Variants in FOXP1 observed in about 807,000 individuals in gnomAD.
FOXP1 encodes forkhead box protein P1.
In FOXP1, 15 loss-of-function variants were observed where a neutral mutation model predicts 98.2. The ratio of observed to expected loss-of-function variants is 0.15; its 90% confidence interval spans 0.10 to 0.24. The LOEUF (loss-of-function observed/expected upper bound fraction) is 0.24, where lower values mean the gene tolerates loss of function less well. Ranked by LOEUF, FOXP1 falls within the 10% of genes least tolerant of loss-of-function variation. The pLI is 1.00. For synonymous variants in FOXP1, 371 were observed against 314.5 expected (o/e 1.18, Z -1.90); for missense variants, 633 against 848.5 (o/e 0.75, Z 3.15).
chr3:71,567,513 G>A (rs954668365), intron 2 of FOXP1, among the ~76,000 whole-genome samples: 1 of 152,126 alleles, frequency 6.6e-6, no homozygotes. Flanking sequence ...TCTAAAATGT[G>A]GTACTACCAA....
chr3:71,415,969 T>G (rs186437373), intron 3 of FOXP1, among the ~76,000 whole-genome samples: 1 of 152,316 alleles, frequency 6.6e-6, no homozygotes, highest in African/African-American at 2.4e-5. Context: ...ATCTGGGACT[T>G]CGGCATCTTT....
intron 3 of FOXP1, among the ~76,000 whole-genome samples, chr3:71,429,075 A>C (rs2084433694): frequency 6.6e-6 from 1 of 152,204 alleles, no homozygotes; most frequent in Non-Finnish European, 1.5e-5. Flanking sequence ...AGGGGAAGGC[A>C]TCAGAACCAA....
At chr3:71,279,797 A>C (rs2071315566) in intron 5 of FOXP1, among the ~76,000 whole-genome samples, 3 of 152,074 alleles carry the variant, frequency 2.0e-5, no homozygotes, top group Admixed American at 6.6e-5. Flanking sequence ...GCAAGAGAAA[A>C]CTGTTATGTG....
At chr3:71,572,743 C>T (rs569820375) in intron 2 of FOXP1, 1 of 152,322 alleles carries the variant, frequency 6.6e-6, no homozygotes, top group Non-Finnish European at 1.5e-5. Context: ...AGGAGCCTCT[C>T]CTACCTGAAC....
At chr3:71,002,552 T>G (rs1477200851) in intron 12 of FOXP1, among the ~76,000 whole-genome samples, 1 of 152,178 alleles carries the variant, frequency 6.6e-6, no homozygotes, top group Non-Finnish European at 1.5e-5. Flanking sequence ...ACAACTTGCT[T>G]TTAAAGAAGC....
intron 4 of FOXP1, among the ~76,000 whole-genome samples, chr3:71,306,371 T>C (rs904591870): frequency 1.3e-5 from 2 of 152,114 alleles, no homozygotes; most frequent in African/African-American, 4.8e-5. Context: ...TCCCTGGAGT[T>C]CTACTATGGG....
chr3:71,563,446 TACC>T (rs1238575600), intron 2 of FOXP1, among the ~76,000 whole-genome samples: 1 of 152,168 alleles, frequency 6.6e-6, no homozygotes, highest in East Asian at 1.9e-4. Flanking sequence ...TCACCTTACC[TACC>T]GCAAAGGCAA....
chr3:71,373,053 T>G (rs2079455696), intron 3 of FOXP1, among the ~76,000 whole-genome samples: 1 of 152,224 alleles, frequency 6.6e-6, no homozygotes, highest in South Asian at 2.1e-4. Context: ...TAAAATTGTC[T>G]GCACGCTGAG....
At chr3:70,960,829 T>C (rs2033230564) in intron 20 of FOXP1, among the ~76,000 whole-genome samples, 1 of 149,594 alleles carries the variant, frequency 6.7e-6, no homozygotes, top group Non-Finnish European at 1.5e-5. Flanking sequence ...AGATGTTACC[T>C]TTAAAAAAAT....
At chr3:71,505,583 G>A (rs926734632) in intron 2 of FOXP1, among the ~76,000 whole-genome samples, 9 of 152,022 alleles carry the variant, frequency 5.9e-5, no homozygotes, top group African/African-American at 1.2e-4. Flanking sequence ...TTGCCGCCAC[G>A]CCCGGCTAAA....
At chr3:71,001,157 A>C in intron 12 of FOXP1, 98 bp from the exon 13 acceptor site, 1 of 858,050 alleles carries the variant, frequency 1.2e-6, no homozygotes. Context: ...CAGCGGGTCT[A>C]GCTCCCAGGA....
chr3:71,511,277 A>G (rs1467337597), intron 2 of FOXP1, among the ~76,000 whole-genome samples: 2 of 152,170 alleles, frequency 1.3e-5, no homozygotes, highest in Non-Finnish European at 2.9e-5. Flanking sequence ...TCAAATGACC[A>G]AACGCAACTG....
chr3:71,187,050 G>A (rs1411271688), intron 6 of FOXP1, among the ~76,000 whole-genome samples: 3 of 152,264 alleles, frequency 2.0e-5, no homozygotes, highest in Non-Finnish European at 2.9e-5. Flanking sequence ...GTGGCAGGCT[G>A]GATCTGGCCC....
At chr3:71,429,982 T>C (rs1560473855) in intron 3 of FOXP1, among the ~76,000 whole-genome samples, 1 of 152,262 alleles carries the variant, frequency 6.6e-6, no homozygotes, top group Non-Finnish European at 1.5e-5. Context: ...TCTGCTCTAC[T>C]GGGAAGCTAG....
intron 3 of FOXP1, among the ~76,000 whole-genome samples, chr3:71,485,771 C>CAAAAAAAAAAAAAAAAAAAACAAAA (rs545900035): frequency 8.9e-6 from 1 of 111,870 alleles, no homozygotes. Flanking sequence ...GAGACTCCAT[C>CAAAAAAAAAAAAAAAAAAAACAAAA]AAAAAAAAAA....
chr3:71,349,285 C>G (rs1241335894), intron 4 of FOXP1, among the ~76,000 whole-genome samples: 3 of 152,188 alleles, frequency 2.0e-5, no homozygotes, highest in African/African-American at 7.2e-5. Flanking sequence ...TAATTTTTAT[C>G]CTTTTTAAAT....
At chr3:71,413,316 C>G (rs1276011725) in intron 3 of FOXP1, among the ~76,000 whole-genome samples, 2 of 144,630 alleles carry the variant, frequency 1.4e-5, no homozygotes, top group Non-Finnish European at 3.0e-5. Flanking sequence ...CAGTATGGAA[C>G]TGGCTAAATA....
chr3:71,052,337 G>A (rs1053983379), intron 9 of FOXP1, among the ~76,000 whole-genome samples, 200 bp downstream of exon 9: 2 of 152,118 alleles, frequency 1.3e-5, no homozygotes, highest in Non-Finnish European at 2.9e-5. Context: ...GTGCAGTGGT[G>A]TTATAAAATA....
At chr3:71,241,585 C>G (rs1477190628) in intron 5 of FOXP1, among the ~76,000 whole-genome samples, 5 of 152,188 alleles carry the variant, frequency 3.3e-5, no homozygotes, top group Non-Finnish European at 7.3e-5. Context: ...ATCAAACAGT[C>G]ATCAGGACTA....
Sources: allele counts gnomAD v4.1 joint callset (sites outside exome capture counted in the v4.1 genomes callset), GRCh38; gene constraint gnomAD v4.1.1; transcripts MANE v1.5; gene names NCBI Gene and HGNC (gene_info 2026-07-23, HGNC 2026-07-21).